FRMD4A: variants seen among roughly 807,000 people sequenced by gnomAD.
The protein encoded by FRMD4A is FERM domain-containing protein 4A.
A neutral mutation model predicts 129.1 loss-of-function variants in FRMD4A; 29 were observed. The ratio of observed to expected loss-of-function variants is 0.22; its 90% confidence interval spans 0.17 to 0.31. The LOEUF (loss-of-function observed/expected upper bound fraction) is 0.31, where lower values mean the gene tolerates loss of function less well. FRMD4A is among the 10% of genes least tolerant of loss of function. The pLI is 1.00. For missense variants in FRMD4A, 1,272 were observed against 1,375.8 expected, an observed-to-expected ratio of 0.92 and a Z score of 1.19; for synonymous variants, 634 against 571.6, an observed-to-expected ratio of 1.11 and a Z score of -1.56.
At chr10:13,837,770 T>G (rs2093899184) in intron 3 of FRMD4A, among the ~76,000 whole-genome samples, 1 of 152,158 alleles carries the variant, frequency 6.6e-6, no homozygotes, top group African/African-American at 2.4e-5. Context: ...CCAATCCCAC[T>G]CCTCTTCTGC....
At chr10:13,810,569 G>A (rs2093427915) in intron 4 of FRMD4A, among the ~76,000 whole-genome samples, 1 of 152,206 alleles carries the variant, frequency 6.6e-6, no homozygotes, top group African/African-American at 2.4e-5. Context: ...ACACAAACCT[G>A]CTTGATTATT....
intron 2 of FRMD4A, among the ~76,000 whole-genome samples, chr10:14,307,166 C>T (rs1470205035): frequency 1.3e-5 from 2 of 152,196 alleles, no homozygotes; most frequent in African/African-American, 2.4e-5. Flanking sequence ...TTTGAGAAAA[C>T]ATTTGCATTC....
intron 2 of FRMD4A, among the ~76,000 whole-genome samples, chr10:13,923,543 T>C (rs2095097211): frequency 6.6e-6 from 1 of 152,282 alleles, no homozygotes; most frequent in Non-Finnish European, 1.5e-5. Context: ...GTATATGCTA[T>C]GATACATTTA....
intron 2 of FRMD4A, among the ~76,000 whole-genome samples, chr10:14,029,875 T>A (rs1416375931): frequency 4.0e-5 from 6 of 150,836 alleles, no homozygotes; most frequent in African/African-American, 1.5e-4. Context: ...GTATATGGTA[T>A]AAAATAAAGG....
chr10:14,094,531 A>G (rs1836839876), intron 2 of FRMD4A, among the ~76,000 whole-genome samples: 1 of 152,080 alleles, frequency 6.6e-6, no homozygotes, highest in Non-Finnish European at 1.5e-5. Context: ...ACCCAGGGTC[A>G]CCCATGCTGT....
At chr10:13,749,083 A>T (rs1453554010) in intron 8 of FRMD4A, among the ~76,000 whole-genome samples, 1 of 152,110 alleles carries the variant, frequency 6.6e-6, no homozygotes, top group Non-Finnish European at 1.5e-5. Flanking sequence ...GTCTGCACCC[A>T]CTTACTACCT....
At chr10:14,287,176 T>A (rs2132069596) in intron 2 of FRMD4A, among the ~76,000 whole-genome samples, 1 of 152,260 alleles carries the variant, frequency 6.6e-6, no homozygotes, top group Non-Finnish European at 1.5e-5. Context: ...CAGGTGGTCA[T>A]CAGGCATGGA....
chr10:13,955,221 C>A (rs891608905), intron 2 of FRMD4A, among the ~76,000 whole-genome samples: 4 of 148,908 alleles, frequency 2.7e-5, no homozygotes, highest in Non-Finnish European at 5.9e-5. Context: ...GATTCTTGCA[C>A]CTCAGCCTCC....
At chr10:14,051,935 G>A (rs1011765016) in intron 2 of FRMD4A, among the ~76,000 whole-genome samples, 2 of 152,230 alleles carry the variant, frequency 1.3e-5, no homozygotes, top group Admixed American at 6.5e-5. Context: ...CAGAATGTGA[G>A]CTTATTTGGG....
chr10:13,997,482 T>C (rs1163002839), intron 2 of FRMD4A, among the ~76,000 whole-genome samples: 3 of 152,186 alleles, frequency 2.0e-5, no homozygotes, highest in Non-Finnish European at 4.4e-5. Flanking sequence ...TCTGGAACAC[T>C]ATATATTAAG....
intron 2 of FRMD4A, among the ~76,000 whole-genome samples, chr10:13,945,414 G>T (rs1309392974): frequency 1.3e-5 from 2 of 152,066 alleles, no homozygotes; most frequent in Non-Finnish European, 2.9e-5. Flanking sequence ...CGGGGAAAGG[G>T]GCTTACAACC....
At position 14,095,789 on chromosome 10, in the gene FRMD4A, T is replaced by C. The variant is rs184648560; in HGVS notation, c.45+234269A>G. On this transcript the variant is annotated intron_variant, in intron 2 of 24. Coordinates refer to ENST00000357447, the MANE Select transcript of FRMD4A (RefSeq NM_018027.5). ...CATGCTTTCCAAAACACGACCCACT[T>C]CTCCAGAGTTTAATCATGCTGAGGC... Among the ~76,000 whole-genome samples the C allele has an allele frequency of 1.4e-4, 21 of 152,316 alleles. No homozygotes were observed. In the East Asian group the frequency reaches 4.0e-3, roughly 29 times the overall value.
chr10:14,085,711 C>A (rs1322641390), intron 2 of FRMD4A, among the ~76,000 whole-genome samples: 1 of 152,200 alleles, frequency 6.6e-6, no homozygotes, highest in Non-Finnish European at 1.5e-5. Flanking sequence ...GCTCGCTGTC[C>A]TGTGGAAACC....
chr10:13,646,952 T>G lies in FRMD4A; in HGVS notation c.*86A>C, dbSNP rs1261028025. On this transcript the variant is annotated 3_prime_UTR_variant, in exon 25 of 25. Transcript: ENST00000357447. ...GCTGGCTCACACGAGGGTCCCGGGC[T>G]TGGCTTTTTCCTGCCCGTACCACTG... 2 of 980,716 alleles carry G rather than the reference T, an allele frequency of 2.0e-6. No individual in the cohort carries two copies. The highest frequency in any genetic ancestry group is 6.1e-5 in the Admixed American group (1 of 16,262). The allele number at this position is 980,716 out of a possible 1,614,324, so 60.8% of individuals were successfully genotyped here.
At chr10:14,001,452 T>G (rs1001201) in intron 2 of FRMD4A, among the ~76,000 whole-genome samples, 46,704 of 152,086 alleles carry the variant, frequency 0.31, 8,023 homozygotes, top group East Asian at 0.73. Flanking sequence ...TTTGCATAGA[T>G]ATTTGCAATC....
intron 2 of FRMD4A, among the ~76,000 whole-genome samples, chr10:13,860,943 C>T (rs907163281): frequency 1.3e-5 from 2 of 152,136 alleles, no homozygotes; most frequent in South Asian, 2.1e-4. Context: ...TTCTCTCATG[C>T]GCCACGGGAC....
At chr10:14,322,210 G>T (rs752864491) in intron 2 of FRMD4A, among the ~76,000 whole-genome samples, 1 of 152,128 alleles carries the variant, frequency 6.6e-6, no homozygotes, top group African/African-American at 2.4e-5. Flanking sequence ...GTACATAGGA[G>T]GGGCCAGATT....
chr10:13,761,698 A>G (rs2092079689), intron 7 of FRMD4A, 29 bp from the exon 8 acceptor site: 1 of 1,536,732 alleles, frequency 6.5e-7, no homozygotes, highest in African/African-American at 1.4e-5. Context: ...AACATCAGCG[A>G]AATACACTAA....
chr10:14,235,575 CA>C (rs1409461916), intron 2 of FRMD4A, among the ~76,000 whole-genome samples: 2 of 152,158 alleles, frequency 1.3e-5, no homozygotes, highest in African/African-American at 4.8e-5. Context: ...TTTGTTACTT[CA>C]ATGGGGTGTT....
Sources: gnomAD v4.1 joint callset for allele counts (sites outside exome capture counted in the v4.1 genomes callset) on GRCh38, gnomAD v4.1.1 for gene constraint, MANE v1.5 for transcripts, NCBI Gene and HGNC (gene_info 2026-07-23, HGNC 2026-07-21) for gene names.